MYO3B: variants seen among roughly 807,000 people sequenced by gnomAD.
MYO3B encodes the protein myosin-IIIb.
In MYO3B, 156 loss-of-function variants were observed where a neutral mutation model predicts 174.6. That is an observed-to-expected ratio of 0.89 (90% CI 0.78 to 1.02). The LOEUF (loss-of-function observed/expected upper bound fraction) is 1.02. Among genes scored for constraint, MYO3B ranks in the 50% least tolerant of loss-of-function variants. The pLI is 0.00. For missense variants in MYO3B, 1,632 were observed against 1,639.4 expected (o/e 1.00, Z 0.08); for synonymous variants, 563 against 569.1 (o/e 0.99, Z 0.15).
intron 25 of MYO3B, among the ~76,000 whole-genome samples, chr2:170,496,602 TA>T (rs1199032641): frequency 1.3e-5 from 2 of 148,344 alleles, no homozygotes; most frequent in African/African-American, 4.9e-5. Context: ...ATATATAATA[TA>T]TATGTATAAT....
intron 12 of MYO3B, chr2:170,384,038 G>A (rs1481113106): frequency 2.1e-6 from 1 of 487,102 alleles, no homozygotes; most frequent in Admixed American, 3.5e-5. Context: ...AGTCACATGA[G>A]GTGCGCTCAT....
intron 23 of MYO3B, among the ~76,000 whole-genome samples, chr2:170,451,374 C>T (rs754155718): frequency 6.6e-6 from 1 of 152,234 alleles, no homozygotes. Flanking sequence ...TAGGCCTTAT[C>T]TAGAACCTAA....
intron 25 of MYO3B, among the ~76,000 whole-genome samples, chr2:170,469,644 TA>T (rs1559032420): frequency 6.6e-6 from 1 of 152,140 alleles, no homozygotes; most frequent in African/African-American, 2.4e-5. Flanking sequence ...TCACTTCCTT[TA>T]AATAATCCAT....
intron 10 of MYO3B, chr2:170,382,404 A>G: frequency 4.5e-6 from 1 of 221,492 alleles, no homozygotes; most frequent in Non-Finnish European, 9.0e-6. Context: ...TTTGTTTGAT[A>G]AAATTTGATA....
chr2:170,293,336 T>C (rs889430092), intron 7 of MYO3B, among the ~76,000 whole-genome samples: 1 of 152,208 alleles, frequency 6.6e-6, no homozygotes, highest in Non-Finnish European at 1.5e-5. Flanking sequence ...TTTGTTACTA[T>C]ATAAGTGATA....
Position 170,653,053 on chromosome 2 carries a change from G to A in MYO3B, c.3958G>A (p.Glu1320Lys). The A allele has an allele frequency of 1.9e-6, 3 of 1,614,104 alleles. No individual in the cohort carries two copies. Among genetic ancestry groups the A allele is most frequent in the Non-Finnish European group, 2.5e-6 (3 of 1,179,996 alleles). Residue 1320 changes from glutamate to lysine, a missense_variant, in exon 35 of 35, where the codon GAG (glutamate) becomes AAG (lysine). Transcript: ENST00000408978. The part of the protein sequence containing the change: ...SLSPVDCIPE[E>K]NNSAHPSFFS... The stretch of plus-strand genomic sequence containing the variant: ...GTCACCAGTGGACTGTATCCCTGAG[G>A]AGAACAACTCAGCCCACCCTTCCTT...
At chr2:170,558,051 C>T (rs1209624657) in intron 32 of MYO3B, among the ~76,000 whole-genome samples, 1 of 152,016 alleles carries the variant, frequency 6.6e-6, no homozygotes. Context: ...CCTGTAATCC[C>T]AACACTTTGG....
Position 170,521,888 on chromosome 2 carries a change from T to C in MYO3B, c.3575+2348T>C, listed in dbSNP as rs112182606. Among the ~76,000 whole-genome samples, 719 of 152,294 alleles carry C rather than the reference T, an allele frequency of 4.7e-3. 8 individuals are homozygous for C. The highest frequency in any genetic ancestry group is 0.016 in the African/African-American group (672 of 41,550). On this transcript the variant is annotated intron_variant, in intron 30 of 34. Coordinates refer to ENST00000408978, the MANE Select transcript of MYO3B (RefSeq NM_138995.5). ...GTCCCTACAATGTCCCTAAAACTAT[T>C]CTTGGGAAGCACAGCTCCCAGTTGC...
chr2:170,554,921 A>C (rs922572014), intron 32 of MYO3B, among the ~76,000 whole-genome samples: 2 of 152,208 alleles, frequency 1.3e-5, no homozygotes, highest in African/African-American at 2.4e-5. Flanking sequence ...TAATTGAAAC[A>C]ACACATACTC....
At chr2:170,184,595 A>G (rs1156619868) in intron 1 of MYO3B, among the ~76,000 whole-genome samples, 1 of 152,166 alleles carries the variant, frequency 6.6e-6, no homozygotes, top group Non-Finnish European at 1.5e-5. Flanking sequence ...CTGCTGATGA[A>G]CACTTAGGTT....
At chr2:170,418,229 T>G (rs1487383730) in intron 22 of MYO3B, among the ~76,000 whole-genome samples, 1 of 152,214 alleles carries the variant, frequency 6.6e-6, no homozygotes, top group Admixed American at 6.5e-5. Flanking sequence ...CCTGTGTGTC[T>G]GGCTTGCAGG....
intron 32 of MYO3B, among the ~76,000 whole-genome samples, chr2:170,580,499 G>T (rs1575194408): frequency 6.6e-6 from 1 of 152,098 alleles, no homozygotes; most frequent in South Asian, 2.1e-4. Context: ...TCAGCTGGGT[G>T]TGGTGGCACA....
intron 32 of MYO3B, among the ~76,000 whole-genome samples, chr2:170,566,845 G>T (rs536511598): frequency 2.6e-4 from 39 of 152,252 alleles, no homozygotes; most frequent in African/African-American, 8.9e-4. Flanking sequence ...AAAGCAATTA[G>T]ATTAGTAGAG....
chr2:170,397,784 ACCTATACTTCTGTCT>A (rs2094449713), intron 16 of MYO3B, among the ~76,000 whole-genome samples: 2 of 152,288 alleles, frequency 1.3e-5, no homozygotes, highest in South Asian at 4.1e-4. Context: ...GACTCCAGAT[ACCTATACTTCTGTCT>A]CCTATACTTC....
chr2:170,301,650 T>C (rs2093665846), intron 7 of MYO3B, among the ~76,000 whole-genome samples: 1 of 152,048 alleles, frequency 6.6e-6, no homozygotes, highest in Non-Finnish European at 1.5e-5. Flanking sequence ...TGGGAGTAGA[T>C]GGGTGTTTAA....
At chr2:170,314,573 A>G (rs546149078) in intron 7 of MYO3B, among the ~76,000 whole-genome samples, 1 of 152,340 alleles carries the variant, frequency 6.6e-6, no homozygotes, top group Non-Finnish European at 1.5e-5. Context: ...GGTAGTATAT[A>G]CAAAAATACA....
chr2:170,252,970 A>C (rs943809433), intron 7 of MYO3B, among the ~76,000 whole-genome samples: 2 of 152,208 alleles, frequency 1.3e-5, no homozygotes, highest in African/African-American at 4.8e-5. Context: ...AGCTGGGGAC[A>C]GATCATGTAG....
intron 32 of MYO3B, among the ~76,000 whole-genome samples, chr2:170,638,411 T>G (rs576115780): frequency 3.8e-4 from 58 of 152,202 alleles, no homozygotes; most frequent in Non-Finnish European, 5.6e-4. Context: ...CATGTTAGAA[T>G]GAAATTCTGG....
At chr2:170,629,694 C>CA (rs1444365720) in intron 32 of MYO3B, among the ~76,000 whole-genome samples, 1 of 151,966 alleles carries the variant, frequency 6.6e-6, no homozygotes, top group South Asian at 2.1e-4. Flanking sequence ...TACTAAAATA[C>CA]AAAAAATTAG....
Sources: allele counts gnomAD v4.1 joint callset (sites outside exome capture counted in the v4.1 genomes callset), GRCh38; gene constraint gnomAD v4.1.1; transcripts MANE v1.5; gene names NCBI Gene and HGNC (gene_info 2026-07-23, HGNC 2026-07-21).